NEK1: variants seen among roughly 807,000 people sequenced by gnomAD.
The protein encoded by NEK1 is serine/threonine-protein kinase Nek1.
Under a neutral mutation model 182.1 loss-of-function variants are expected in NEK1, and 137 were observed. That is an observed-to-expected ratio of 0.75 (90% CI 0.65 to 0.87). The LOEUF is 0.87. Among genes scored for constraint, NEK1 ranks in the 40% least tolerant of loss-of-function variants. NEK1 has a pLI of 0.00. For synonymous variants in NEK1, 513 were observed against 492.2 expected (o/e 1.04, Z -0.56); for missense variants, 1,391 against 1,494.4 (o/e 0.93, Z 1.14).
chr4:169,534,319 T>C (rs1758123754), intron 19 of NEK1, among the ~76,000 whole-genome samples: 1 of 152,144 alleles, frequency 6.6e-6, no homozygotes, highest in African/African-American at 2.4e-5. Flanking sequence ...CTGCCCACCT[T>C]ACTGACTGGC....
At chr4:169,608,789 T>C (rs1771818717) in intron 2 of NEK1, among the ~76,000 whole-genome samples, 1 of 152,164 alleles carries the variant, frequency 6.6e-6, no homozygotes, top group African/African-American at 2.4e-5. Flanking sequence ...CCGGGCATGG[T>C]GGCTCACACT....
chr4:169,423,018 A>G (rs1387751733), intron 31 of NEK1, among the ~76,000 whole-genome samples: 1 of 152,206 alleles, frequency 6.6e-6, no homozygotes, highest in Non-Finnish European at 1.5e-5. Flanking sequence ...AAATTTAATA[A>G]TCTCTAAATT....
chr4:169,446,793 T>C (rs1216443281), intron 27 of NEK1, among the ~76,000 whole-genome samples: 1 of 152,130 alleles, frequency 6.6e-6, no homozygotes, highest in African/African-American at 2.4e-5. Flanking sequence ...AGTCCTTTAA[T>C]AGCAGAACAC....
chr4:169,531,431 A>G (rs2149790912), intron 19 of NEK1, among the ~76,000 whole-genome samples: 1 of 150,540 alleles, frequency 6.6e-6, no homozygotes. Flanking sequence ...AGAGTTAATG[A>G]TGTGAGAAAT....
At chr4:169,459,645 T>C (rs1200794056) in intron 27 of NEK1, among the ~76,000 whole-genome samples, 2 of 152,192 alleles carry the variant, frequency 1.3e-5, no homozygotes, top group East Asian at 1.9e-4. Context: ...TCAGTACATC[T>C]TGAAAGTGAA....
intron 18 of NEK1, among the ~76,000 whole-genome samples, chr4:169,546,157 G>A (rs1188349084): frequency 6.6e-6 from 1 of 152,158 alleles, no homozygotes; most frequent in Non-Finnish European, 1.5e-5. Flanking sequence ...TGCTTTAAAT[G>A]TGTCCCAGAG....
intron 11 of NEK1, among the ~76,000 whole-genome samples, chr4:169,578,543 A>G (rs777376225): frequency 3.1e-4 from 47 of 152,248 alleles, no homozygotes; most frequent in Non-Finnish European, 6.5e-4. Context: ...TAATTGTAAT[A>G]GAAAATGTTC....
intron 27 of NEK1, among the ~76,000 whole-genome samples, chr4:169,444,217 T>C (rs1247236184): frequency 6.6e-6 from 1 of 151,630 alleles, no homozygotes; most frequent in East Asian, 1.9e-4. Flanking sequence ...GAACAACAAA[T>C]ATACAAAACA....
At chr4:169,502,607 CA>C (rs1457783630) in intron 23 of NEK1, among the ~76,000 whole-genome samples, 1 of 151,948 alleles carries the variant, frequency 6.6e-6, no homozygotes, top group African/African-American at 2.4e-5. Context: ...TGATTCCCCA[CA>C]TAAACAGAAT....
chr4:169,440,322 C>T (rs957924299), intron 27 of NEK1, among the ~76,000 whole-genome samples: 7 of 151,936 alleles, frequency 4.6e-5, no homozygotes, highest in African/African-American at 1.7e-4. Context: ...GAAATATATA[C>T]CACACAAAAA....
At chr4:169,604,890 T>C (rs1032471770) in intron 2 of NEK1, among the ~76,000 whole-genome samples, 1 of 152,144 alleles carries the variant, frequency 6.6e-6, no homozygotes, top group African/African-American at 2.4e-5. Flanking sequence ...ATCAGTGAGT[T>C]AAAGAAGAAA....
intron 16 of NEK1, among the ~76,000 whole-genome samples, 200 bp downstream of exon 16, chr4:169,561,279 TA>T (rs1464268700): frequency 2.6e-5 from 4 of 152,202 alleles, no homozygotes; most frequent in Admixed American, 2.6e-4. Flanking sequence ...ATTTTGAGTA[TA>T]GTCACATAAC....
At chr4:169,509,115 T>A (rs1434209323) in intron 19 of NEK1, among the ~76,000 whole-genome samples, 1 of 152,154 alleles carries the variant, frequency 6.6e-6, no homozygotes, top group African/African-American at 2.4e-5. Flanking sequence ...AAGAGGGGTT[T>A]TTTTTGTTTG....
At chr4:169,596,510 C>T (rs994826449) in intron 5 of NEK1, among the ~76,000 whole-genome samples, 8 of 152,120 alleles carry the variant, frequency 5.3e-5, no homozygotes, top group South Asian at 4.1e-4. Flanking sequence ...TCCAAGGGAA[C>T]GTACTTAGTT....
intron 19 of NEK1, among the ~76,000 whole-genome samples, chr4:169,527,944 C>T (rs1757130183): frequency 6.6e-6 from 1 of 152,034 alleles, no homozygotes; most frequent in Admixed American, 6.6e-5. Flanking sequence ...AAAAAACTCA[C>T]CTCAAACAAT....
intron 31 of NEK1, among the ~76,000 whole-genome samples, chr4:169,408,586 T>C (rs1217128588): frequency 6.6e-6 from 1 of 152,216 alleles, no homozygotes; most frequent in Non-Finnish European, 1.5e-5. Context: ...CAGTGTACAC[T>C]GTACCCAACG....
At chr4:169,593,717 C>T (rs1016859316) in intron 5 of NEK1, among the ~76,000 whole-genome samples, 4 of 152,058 alleles carry the variant, frequency 2.6e-5, no homozygotes, top group African/African-American at 7.2e-5. Context: ...GGTCAGGCGC[C>T]GTGGCTCACG....
At chr4:169,581,142 T>TA (rs1294623584) in intron 10 of NEK1, among the ~76,000 whole-genome samples, 4 of 151,584 alleles carry the variant, frequency 2.6e-5, no homozygotes, top group Non-Finnish European at 4.4e-5. Flanking sequence ...AGCAAGGAGT[T>TA]AGAGTTCAGC....
intron 23 of NEK1, 26 bp downstream of exon 23, chr4:169,507,011 G>A: frequency 6.7e-7 from 1 of 1,494,656 alleles, no homozygotes; most frequent in Non-Finnish European, 9.2e-7. Flanking sequence ...ATACAACCAG[G>A]ATTAAGAATA....
Sources: allele counts gnomAD v4.1 joint callset (sites outside exome capture counted in the v4.1 genomes callset), GRCh38; gene constraint gnomAD v4.1.1; transcripts MANE v1.5; gene names NCBI Gene and HGNC (gene_info 2026-07-23, HGNC 2026-07-21).